Variants in NR5A2 observed in about 807,000 individuals in gnomAD.
The protein encoded by NR5A2 is nuclear receptor subfamily 5 group A member 2.
In NR5A2, 26 loss-of-function variants were observed where a neutral mutation model predicts 62.7. The observed-to-expected ratio is 0.41, with a 90% CI of 0.30 to 0.58. The LOEUF is 0.58. NR5A2 is among the 20% of genes least tolerant of loss of function. The pLI is 0.22. For synonymous variants in NR5A2, 246 were observed against 241.7 expected, an observed-to-expected ratio of 1.02 and a Z score of -0.16; for missense variants, 541 against 669.1, an observed-to-expected ratio of 0.81 and a Z score of 2.11.
At chr1:200,075,312 A>T (rs1407780911) in intron 5 of NR5A2, among the ~76,000 whole-genome samples, 1 of 152,344 alleles carries the variant, frequency 6.6e-6, no homozygotes, top group East Asian at 1.9e-4. Flanking sequence ...GCTTTGCAAA[A>T]AAAGGAGGCT....
chr1:200,039,811 G>A lies in NR5A2; in HGVS notation c.202+16G>A, dbSNP rs773902379. 8 of 1,589,302 alleles carry A rather than the reference G, an allele frequency of 5.0e-6. No homozygotes were observed. The Admixed American group carries it at 1.2e-4, about 24-fold the overall frequency. ...AACATGCAAGGTAAGGAGGCGCCGC[G>A]CGGCGCTCCGGCTCCCGCTGCTTCC... On this transcript the variant is annotated intron_variant, in intron 2 of 7. Coordinates refer to ENST00000367362, the MANE Select transcript of NR5A2 (RefSeq NM_205860.3). The surrounding 1 kb of genome is among the most constrained non-coding windows in gnomAD (Gnocchi z 5.1).
At chr1:200,136,550 GA>G (rs1175825900) in intron 7 of NR5A2, among the ~76,000 whole-genome samples, 1 of 152,172 alleles carries the variant, frequency 6.6e-6, no homozygotes, top group Non-Finnish European at 1.5e-5. Flanking sequence ...CCTAAGATCA[GA>G]GAAGTCAAAC....
chr1:200,100,590 A>C (rs531402418), intron 5 of NR5A2, among the ~76,000 whole-genome samples: 14 of 152,290 alleles, frequency 9.2e-5, no homozygotes, highest in Non-Finnish European at 2.1e-4. Flanking sequence ...TTTGTAATAA[A>C]ACAGACCATT....
intron 7 of NR5A2, among the ~76,000 whole-genome samples, chr1:200,135,457 G>T (rs1455564952): frequency 1.3e-5 from 2 of 151,880 alleles, no homozygotes; most frequent in Non-Finnish European, 2.9e-5. Flanking sequence ...GGAGGTGGAG[G>T]TTGCGGCAAG....
chr1:200,120,285 T>C (rs1666424101), intron 6 of NR5A2, among the ~76,000 whole-genome samples: 1 of 152,206 alleles, frequency 6.6e-6, no homozygotes, highest in Admixed American at 6.5e-5. Flanking sequence ...CTAGTTAATA[T>C]TGTATATACA....
intron 1 of NR5A2, among the ~76,000 whole-genome samples, chr1:200,035,673 A>T (rs1287325402): frequency 6.6e-6 from 1 of 152,116 alleles, no homozygotes. Flanking sequence ...ATATGCTAGG[A>T]CTGCGCTTCT....
chr1:200,109,455 G>A (rs1346643675), intron 5 of NR5A2, among the ~76,000 whole-genome samples: 5 of 152,060 alleles, frequency 3.3e-5, no homozygotes, highest in South Asian at 2.1e-4. Context: ...ATTTTTAGCC[G>A]AGAAAATATA....
chr1:200,167,347 A>G (rs1200007386), intron 7 of NR5A2, among the ~76,000 whole-genome samples: 1 of 150,836 alleles, frequency 6.6e-6, no homozygotes, highest in Non-Finnish European at 1.5e-5. Flanking sequence ...CAGGACCCTC[A>G]CTCTTTCTCT....
intron 5 of NR5A2, among the ~76,000 whole-genome samples, chr1:200,059,560 G>A (rs1362302458): frequency 1.3e-5 from 2 of 152,224 alleles, no homozygotes; most frequent in East Asian, 3.9e-4. Context: ...GGGAGGTAGA[G>A]CCCACTAAGC....
intron 2 of NR5A2, among the ~76,000 whole-genome samples, chr1:200,042,622 G>A (rs1404432402): frequency 6.6e-6 from 1 of 152,230 alleles, no homozygotes; most frequent in Non-Finnish European, 1.5e-5. Flanking sequence ...AGGAGGTAGA[G>A]CCTAGGCGAG....
At chr1:200,043,737 A>T in intron 2 of NR5A2, 37 bp from the exon 3 acceptor site, 1 of 1,322,038 alleles carries the variant, frequency 7.6e-7, no homozygotes, top group Non-Finnish European at 1.1e-6. Flanking sequence ...CATGTAAATT[A>T]ATTGAATATG....
intron 5 of NR5A2, among the ~76,000 whole-genome samples, chr1:200,084,198 T>TAAAGACAA (rs1345559410): frequency 6.6e-6 from 1 of 152,040 alleles, no homozygotes; most frequent in East Asian, 1.9e-4. Context: ...ACTAAGAGCA[T>TAAAGACAA]TTATTTAAGA....
At chr1:200,052,920 A>T (rs2821376) in intron 5 of NR5A2, among the ~76,000 whole-genome samples, 20 of 152,076 alleles carry the variant, frequency 1.3e-4, no homozygotes, top group Admixed American at 2.6e-4. Flanking sequence ...GATTATAGGC[A>T]TGAGCCACCG....
intron 5 of NR5A2, among the ~76,000 whole-genome samples, chr1:200,052,918 G>T (rs1239604937): frequency 6.6e-6 from 1 of 152,146 alleles, no homozygotes; most frequent in Non-Finnish European, 1.5e-5. Context: ...GGGATTATAG[G>T]CATGAGCCAC....
chr1:200,034,610 G>A (rs1465329498), intron 1 of NR5A2, among the ~76,000 whole-genome samples: 1 of 116,812 alleles, frequency 8.6e-6, no homozygotes, highest in Non-Finnish European at 1.7e-5. Context: ...GGGGGTGGGT[G>A]GGGGGTAGGT....
At chr1:200,107,548 C>A (rs551639053) in intron 5 of NR5A2, among the ~76,000 whole-genome samples, 1 of 152,284 alleles carries the variant, frequency 6.6e-6, no homozygotes, top group Non-Finnish European at 1.5e-5. Flanking sequence ...CCTATTCCTG[C>A]AATTTTTAGA....
intron 7 of NR5A2, among the ~76,000 whole-genome samples, chr1:200,153,335 C>T (rs1653223323): frequency 6.6e-6 from 1 of 152,186 alleles, no homozygotes; most frequent in African/African-American, 2.4e-5. Context: ...AAAAAGAAAT[C>T]CTTCCATGAC....
At chr1:200,095,733 T>C (rs879491598) in intron 5 of NR5A2, among the ~76,000 whole-genome samples, 2 of 142,804 alleles carry the variant, frequency 1.4e-5, no homozygotes, top group Non-Finnish European at 3.1e-5. Flanking sequence ...TTTGTATTTT[T>C]AGTAGAGACA....
intron 5 of NR5A2, among the ~76,000 whole-genome samples, chr1:200,049,780 G>A (rs1662541664): frequency 6.6e-6 from 1 of 152,166 alleles, no homozygotes; most frequent in Non-Finnish European, 1.5e-5. Context: ...ACAGGAGATT[G>A]ATTGTAAAAT....
Sources: allele counts gnomAD v4.1 joint callset (sites outside exome capture counted in the v4.1 genomes callset), GRCh38; gene constraint gnomAD v4.1.1; non-coding constraint Gnocchi (gnomAD v3.1); transcripts MANE v1.5; gene names NCBI Gene and HGNC (gene_info 2026-07-23, HGNC 2026-07-21).